Variants in ADRA1A observed in about 807,000 individuals in gnomAD.
The protein encoded by ADRA1A is alpha-1A adrenergic receptor.
In ADRA1A, 31 loss-of-function variants were observed where a neutral mutation model predicts 29.6. The ratio of observed to expected loss-of-function variants is 1.05; its 90% CI spans 0.79 to 1.41. The LOEUF (loss-of-function observed/expected upper bound fraction) is 1.41. ADRA1A is among the 40% of genes most tolerant of loss of function. The pLI is 0.00. For synonymous variants in ADRA1A, 311 were observed against 254.3 expected, an observed-to-expected ratio of 1.22 and a Z score of -2.12; for missense variants, 619 against 601.1, an observed-to-expected ratio of 1.03 and a Z score of -0.31.
At chr8:26,840,622 CAAAAGA>C (rs1811752874) in intron 2 of ADRA1A, among the ~76,000 whole-genome samples, 1 of 150,300 alleles carries the variant, frequency 6.7e-6, no homozygotes, top group African/African-American at 2.5e-5. Context: ...TGGAATTTGG[CAAAAGA>C]AAAATTTAAA....
intron 2 of ADRA1A, among the ~76,000 whole-genome samples, chr8:26,760,150 A>T (rs1438823658): frequency 6.6e-6 from 1 of 152,240 alleles, no homozygotes; most frequent in African/African-American, 2.4e-5. Context: ...CTCAGCAGGA[A>T]CCAGGACAGA....
In ADRA1A at chr8:26,805,003, G is replaced by A. The variant is rs572826079; in HGVS notation, c.884-34337C>T. On this transcript the variant is annotated intron_variant, in intron 2 of 2. Coordinates refer to ENST00000380573, the MANE Select transcript of ADRA1A (RefSeq NM_000680.4). The surrounding 1 kb of genome is among the most constrained non-coding windows in gnomAD (Gnocchi z 4.8). ...TGCATACACACATACACACATGCTC[G>A]TATGCATGCACACACACAAACATAC... 1.4e-4 allele frequency among the ~76,000 whole-genome samples: 21 copies of A among 152,246 alleles called. No homozygotes were observed. The highest frequency in any genetic ancestry group is 2.2e-4 in the Non-Finnish European group (15 of 68,000).
chr8:26,781,145 C>T (rs1357024101), intron 2 of ADRA1A, among the ~76,000 whole-genome samples: 1 of 152,154 alleles, frequency 6.6e-6, no homozygotes, highest in Non-Finnish European at 1.5e-5. Context: ...CTCTATAGCC[C>T]TTATCACCAT....
At chr8:26,792,464 G>A (rs1243692280) in intron 2 of ADRA1A, among the ~76,000 whole-genome samples, 1 of 151,828 alleles carries the variant, frequency 6.6e-6, no homozygotes, top group Non-Finnish European at 1.5e-5. Context: ...AAGACATTAA[G>A]TAGAATTCAT....
In ADRA1A at chr8:26,847,780, A is replaced by G. The variant is rs61756996; in HGVS notation, c.883+16307T>C. 3.7e-4 allele frequency among the ~76,000 whole-genome samples: 57 copies of G among 152,252 alleles called. 1 individual carries two copies. Among genetic ancestry groups the G allele is most frequent in the Admixed American group, 1.5e-3 (23 of 15,296 alleles). On this transcript the variant is annotated intron_variant, in intron 2 of 2. Coordinates refer to ENST00000380573, the MANE Select transcript of ADRA1A (RefSeq NM_000680.4). Reference sequence around the variant, plus strand: ...TTCTTCCCAAACTTCTTCTGATACCATTTAATGAGTCTGGGATCAGACACT... The same window carrying G: ...TTCTTCCCAAACTTCTTCTGATACCGTTTAATGAGTCTGGGATCAGACACT...
chr8:26,846,244 A>C (rs922973054), intron 2 of ADRA1A, among the ~76,000 whole-genome samples: 1 of 152,238 alleles, frequency 6.6e-6, no homozygotes, highest in East Asian at 1.9e-4. Flanking sequence ...CTGAACAATA[A>C]TAATAATTGA....
rs368780944 is a variant in ADRA1A, at chr8:26,859,771, C to CT, written c.883+4315dup. On this transcript the variant is annotated intron_variant, in intron 2 of 2. Transcript: ENST00000380573. ...ACTTCCCTCCTGTCATATCATTTTT[C>CT]TTTTTTTTTTTTTTTTAGACAGAAT... 5.9e-3 allele frequency among the ~76,000 whole-genome samples: 815 copies of CT among 137,538 alleles called. 8 individuals are homozygous for CT. The highest frequency in any genetic ancestry group is 0.033 in the East Asian group (156 of 4,702). The allele number at this position is 137,538 out of a possible 152,430, so 90.2% of individuals were successfully genotyped here.
chr8:26,776,118 C>A (rs910145998), intron 2 of ADRA1A, among the ~76,000 whole-genome samples: 1 of 152,144 alleles, frequency 6.6e-6, no homozygotes, highest in Non-Finnish European at 1.5e-5. Flanking sequence ...AAGATAAAAC[C>A]ATTTTTTCCT....
intron 2 of ADRA1A, chr8:26,854,421 G>GGT (rs1187742074): frequency 1.9e-5 from 2 of 107,352 alleles, no homozygotes; most frequent in Non-Finnish European, 3.9e-5. Context: ...GTTAAAGCGG[G>GGT]GCGGGGGGGG....
downstream of ADRA1A, among the ~76,000 whole-genome samples, chr8:26,764,685 A>G (rs555828124): frequency 1.3e-5 from 2 of 152,358 alleles, no homozygotes; most frequent in African/African-American, 4.8e-5. Context: ...TCTACTGCAC[A>G]GGGATGACTT....
chr8:26,844,464 A>G (rs147984076), intron 2 of ADRA1A, among the ~76,000 whole-genome samples: 159 of 152,326 alleles, frequency 1.0e-3, no homozygotes, highest in African/African-American at 3.7e-3. Flanking sequence ...AACTTACTAC[A>G]AAGCTACAGT....
At position 26,861,303 on chromosome 8, in the gene ADRA1A, G is replaced by GTTTTT. The variant is rs35538353; in HGVS notation, c.883+2779_883+2783dup. Among the ~76,000 whole-genome samples the GTTTTT allele has an allele frequency of 4.4e-3, 524 of 119,610 alleles. 27 individuals carry two copies. Among genetic ancestry groups the GTTTTT allele is most frequent in the African/African-American group, 9.6e-3 (299 of 31,186 alleles). The allele number at this position is 119,610 out of a possible 152,430, so 78.5% of individuals were successfully genotyped here. Reference sequence around the variant, plus strand: ...TCCTGACCTGACCCCCAGAGGCTCTGTTTTTTTTTTTTTTTTTTTTAGATG... The same window carrying GTTTTT: ...TCCTGACCTGACCCCCAGAGGCTCTGTTTTTTTTTTTTTTTTTTTTTTTTTAGATG... On this transcript the variant is annotated intron_variant, in intron 2 of 2. Coordinates refer to ENST00000380573, the MANE Select transcript of ADRA1A (RefSeq NM_000680.4).
intron 2 of ADRA1A, among the ~76,000 whole-genome samples, chr8:26,792,933 T>C (rs1308769130): frequency 6.6e-6 from 1 of 151,500 alleles, no homozygotes; most frequent in Non-Finnish European, 1.5e-5. Context: ...AAATAAAGCC[T>C]CTCACACTGA....
chr8:26,839,374 G>T (rs1811641722), intron 2 of ADRA1A, among the ~76,000 whole-genome samples: 1 of 152,052 alleles, frequency 6.6e-6, no homozygotes, highest in Admixed American at 6.6e-5. Flanking sequence ...TAGCCAGGAT[G>T]GTCTCGATCT....
intron 2 of ADRA1A, among the ~76,000 whole-genome samples, chr8:26,758,745 G>A (rs977390289): frequency 2.6e-5 from 4 of 152,186 alleles, no homozygotes; most frequent in African/African-American, 4.8e-5. Context: ...GGAAGGTCAC[G>A]TTTAGCAAGC....
chr8:26,764,997 T>C (rs1237054396), downstream of ADRA1A, among the ~76,000 whole-genome samples: 1 of 152,212 alleles, frequency 6.6e-6, no homozygotes, highest in Non-Finnish European at 1.5e-5. Flanking sequence ...TAATAACTCC[T>C]GAGCCACACG....
chr8:26,774,715 A>G (rs1320329906), intron 2 of ADRA1A, among the ~76,000 whole-genome samples: 1 of 151,108 alleles, frequency 6.6e-6, no homozygotes, highest in African/African-American at 2.4e-5. Flanking sequence ...CTCCTTATTG[A>G]CATTATTCCC....
rs983117717 is a variant in ADRA1A, at chr8:26,825,239, G to A, written c.883+38848C>T. Among the ~76,000 whole-genome samples, 2 of 152,114 alleles carry A rather than the reference G, an allele frequency of 1.3e-5. No individual in the cohort carries two copies. Among genetic ancestry groups the A allele is most frequent in the Admixed American group, 1.3e-4 (2 of 15,276 alleles). On this transcript the variant is annotated intron_variant, in intron 2 of 2. Transcript: ENST00000380573. The surrounding 1 kb of genome is among the most constrained non-coding windows in gnomAD (Gnocchi z 5.7). ...GAGACAGTTCCTTCTTTAGGGAATGGGGGTCATAGAGATATCTTCACTCTC... is the reference window on the plus strand; with the variant it reads ...GAGACAGTTCCTTCTTTAGGGAATGAGGGTCATAGAGATATCTTCACTCTC...
intron 2 of ADRA1A, among the ~76,000 whole-genome samples, chr8:26,834,197 C>T (rs1811187637): frequency 6.6e-6 from 1 of 152,084 alleles, no homozygotes; most frequent in Non-Finnish European, 1.5e-5. Context: ...GCAATGTATA[C>T]AATAAACAAT....
Sources: allele counts gnomAD v4.1 joint callset (sites outside exome capture counted in the v4.1 genomes callset), GRCh38; gene constraint gnomAD v4.1.1; non-coding constraint Gnocchi (gnomAD v3.1); transcripts MANE v1.5; gene names NCBI Gene and HGNC (gene_info 2026-07-23, HGNC 2026-07-21).